ALG5: variants seen among roughly 807,000 people sequenced by gnomAD.
ALG5 encodes the protein dolichyl-phosphate beta-glucosyltransferase.
ALG5 carries 26 observed loss-of-function variants against 51.8 expected under a neutral mutation model. The ratio of observed to expected loss-of-function variants is 0.50; its 90% confidence interval spans 0.37 to 0.70. The LOEUF (loss-of-function observed/expected upper bound fraction) is 0.70, where lower values mean the gene tolerates loss of function less well. Among genes scored for constraint, ALG5 ranks in the 30% least tolerant of loss-of-function variants. ALG5 has a pLI of 0.00. For missense variants in ALG5, 311 were observed against 399.3 expected (o/e 0.78, Z 1.88); for synonymous variants, 141 against 136.1 (o/e 1.04, Z -0.25).
chr13:36,950,009 A>C lies in ALG5; in HGVS notation c.908T>G (p.Leu303Arg). The change falls in exon 10 of 10, where the codon CTA becomes CGA. Residue 303 changes from leucine to arginine, a missense_variant. Leu to Arg is a moderately radical substitution (Grantham distance 102). Transcript: ENST00000239891. ...CAAATATCGAAGTCGTATAAAAAGT[A>C]GGTCTTTACCCATTTGTAGCCAGCT... ...FWSWLQMGKD[L>R]LFIRLRYLTG... 1 of 1,613,500 alleles carries C rather than the reference A, an allele frequency of 6.2e-7. No homozygotes were observed. Among genetic ancestry groups the C allele is most frequent in the Non-Finnish European group, 8.5e-7 (1 of 1,179,832 alleles).
chr13:36,977,352 G>C (rs1040843644), intron 6 of ALG5, among the ~76,000 whole-genome samples: 1 of 152,122 alleles, frequency 6.6e-6, no homozygotes, highest in African/African-American at 2.4e-5. Flanking sequence ...TACTATGACA[G>C]TTGGCTTTTA....
At position 36,974,603 on chromosome 13, in the gene ALG5, G is replaced by T. The variant is rs561242383; in HGVS notation, c.562-2567C>A. On this transcript the variant is annotated intron_variant, in intron 6 of 9. Transcript: ENST00000239891. ...ATTGTTTTTATACTTTTTATTATGG[G>T]TATTTTCAAACATACGCAAAACTAG... 1.1e-4 allele frequency among the ~76,000 whole-genome samples: 16 copies of T among 151,802 alleles called. No homozygotes were observed. In the South Asian group the frequency reaches 1.7e-3, roughly 16 times the overall value.
At chr13:36,963,701 CTGAA>C (rs1488680338) in intron 8 of ALG5, among the ~76,000 whole-genome samples, 4 of 152,278 alleles carry the variant, frequency 2.6e-5, no homozygotes, top group Middle Eastern at 6.8e-3. Flanking sequence ...TTTAAAAAGT[CTGAA>C]TGATAATTCT....
At chr13:36,965,531 C>T (rs1355639465) in intron 8 of ALG5, 44 bp downstream of exon 8, 3 of 1,561,532 alleles carry the variant, frequency 1.9e-6, no homozygotes, top group African/African-American at 2.7e-5. Flanking sequence ...TAGAAGATGG[C>T]TGGGTCATAA....
chr13:36,972,081 T>A, intron 6 of ALG5, 45 bp from the exon 7 acceptor site: 1 of 1,340,174 alleles, frequency 7.5e-7, no homozygotes, highest in Non-Finnish European at 1.0e-6. Context: ...TAAATATCAC[T>A]AATAAAAATA....
intron 8 of ALG5, among the ~76,000 whole-genome samples, chr13:36,960,444 T>C (rs574125303): frequency 4.6e-5 from 7 of 152,250 alleles, no homozygotes; most frequent in South Asian, 4.1e-4. Flanking sequence ...CTATTTAATA[T>C]ATAAAATTAT....
chr13:36,985,900 A>T (rs893668005), intron 5 of ALG5, among the ~76,000 whole-genome samples, 160 bp from the exon 6 acceptor site: 1 of 152,202 alleles, frequency 6.6e-6, no homozygotes, highest in African/African-American at 2.4e-5. Context: ...CCTGTATATT[A>T]AGATCTTCTC....
chr13:36,975,819 G>C, intron 6 of ALG5, among the ~76,000 whole-genome samples: 1 of 151,758 alleles, frequency 6.6e-6, no homozygotes. Flanking sequence ...CCAGGCGTTT[G>C]AGACCAACCT....
chr13:36,998,019 AT>A (rs1483210131), intron 1 of ALG5, among the ~76,000 whole-genome samples: 4 of 152,348 alleles, frequency 2.6e-5, no homozygotes, highest in South Asian at 2.1e-4. Flanking sequence ...AATAACTCCT[AT>A]TAAACCAAGT....
At chr13:36,958,119 G>A (rs943379690) in intron 8 of ALG5, among the ~76,000 whole-genome samples, 5 of 151,912 alleles carry the variant, frequency 3.3e-5, no homozygotes, top group African/African-American at 9.7e-5. Flanking sequence ...AACTAGAATC[G>A]CAGATCCCCA....
At chr13:36,979,197 T>C (rs921947865) in intron 6 of ALG5, among the ~76,000 whole-genome samples, 1 of 151,982 alleles carries the variant, frequency 6.6e-6, no homozygotes, top group Non-Finnish European at 1.5e-5. Context: ...TTTGTATTTT[T>C]AGTAGAGATG....
At chr13:36,955,442 CA>C (rs1449001454) in intron 8 of ALG5, among the ~76,000 whole-genome samples, 2 of 151,650 alleles carry the variant, frequency 1.3e-5, no homozygotes, top group African/African-American at 4.8e-5. Context: ...TAGTGGAAGA[CA>C]CTGTAGTCAT....
intron 7 of ALG5, among the ~76,000 whole-genome samples, chr13:36,968,645 A>G (rs2058906455): frequency 6.6e-6 from 1 of 152,262 alleles, no homozygotes; most frequent in Non-Finnish European, 1.5e-5. Context: ...GTAGAAAAAT[A>G]TCAAGGAAAG....
intron 6 of ALG5, among the ~76,000 whole-genome samples, chr13:36,973,329 T>C (rs982583970): frequency 2.0e-5 from 3 of 152,094 alleles, no homozygotes; most frequent in African/African-American, 7.2e-5. Flanking sequence ...AGGAAACACA[T>C]ACACAAAGCC....
chr13:36,972,932 C>A (rs1195165679), intron 6 of ALG5, among the ~76,000 whole-genome samples: 1 of 143,926 alleles, frequency 6.9e-6, no homozygotes, highest in Non-Finnish European at 1.5e-5. Context: ...GCAGAGCTTG[C>A]AGTGAGCCGA....
intron 1 of ALG5, 63 bp downstream of exon 1, chr13:36,999,172 G>A: frequency 1.4e-6 from 2 of 1,416,494 alleles, no homozygotes; most frequent in Non-Finnish European, 1.9e-6. Context: ...GACGCCTGAG[G>A]AGCCGCAGTC....
At chr13:36,963,096 A>G (rs1192457491) in intron 8 of ALG5, among the ~76,000 whole-genome samples, 2 of 152,068 alleles carry the variant, frequency 1.3e-5, no homozygotes, top group East Asian at 3.9e-4. Flanking sequence ...AGGCGTGCAC[A>G]CCACCACACC....
At position 36,963,770 on chromosome 13, in the gene ALG5, G is replaced by A. The variant is rs2058879165; in HGVS notation, c.773+1805C>T. Among the ~76,000 whole-genome samples, 3 of 152,234 alleles carry A rather than the reference G, an allele frequency of 2.0e-5. No homozygotes were observed. The South Asian group carries it at 6.2e-4, about 32-fold the overall frequency. On this transcript the variant is annotated intron_variant, in intron 8 of 9. Transcript: ENST00000239891. ...GGGGTTATATGGCATATATTTCTAGGAAGACAACAGGTCTTTGAAAACAGA... is the reference window on the plus strand; with the variant it reads ...GGGGTTATATGGCATATATTTCTAGAAAGACAACAGGTCTTTGAAAACAGA...
chr13:36,950,149 G>A, intron 9 of ALG5, 92 bp from the exon 10 acceptor site: 1 of 700,156 alleles, frequency 1.4e-6, no homozygotes, highest in Non-Finnish European at 2.3e-6. Context: ...ATCGTTGTGA[G>A]CCTTTAGCAC....
Sources: gnomAD v4.1 joint callset for allele counts (sites outside exome capture counted in the v4.1 genomes callset) on GRCh38, gnomAD v4.1.1 for gene constraint, MANE v1.5 for transcripts, NCBI Gene and HGNC (gene_info 2026-07-23, HGNC 2026-07-21) for gene names.